Variants in METTL4 observed in about 807,000 individuals in gnomAD.
METTL4 encodes the protein methyltransferase 4, N6-adenosine.
METTL4 carries 40 observed loss-of-function variants against 54.0 expected under a neutral mutation model. The observed-to-expected ratio is 0.74, with a 90% CI of 0.58 to 0.96. The LOEUF is 0.96. METTL4 is among the 50% of genes least tolerant of loss of function. The probability of loss-of-function intolerance (pLI) is 0.00; values close to 1 mark genes in which losing one functional copy is unlikely to be tolerated. For synonymous variants in METTL4, 169 were observed against 183.8 expected (o/e 0.92, Z 0.65); for missense variants, 525 against 549.0 (o/e 0.96, Z 0.44).
At chr18:2,557,067 A>G (rs2072249595) in intron 3 of METTL4, among the ~76,000 whole-genome samples, 1 of 152,162 alleles carries the variant, frequency 6.6e-6, no homozygotes, top group Admixed American at 6.5e-5. Flanking sequence ...TTGCCTGGAG[A>G]GAGTTTCCAG....
At chr18:2,556,841 G>A (rs2072246093) in intron 3 of METTL4, among the ~76,000 whole-genome samples, 1 of 152,068 alleles carries the variant, frequency 6.6e-6, no homozygotes, top group South Asian at 2.1e-4. Context: ...GTGGGGGTCA[G>A]GGGAGGAGGA....
At chr18:2,566,095 T>TA (rs2072413695) in intron 2 of METTL4, among the ~76,000 whole-genome samples, 1 of 148,554 alleles carries the variant, frequency 6.7e-6, no homozygotes, top group Non-Finnish European at 1.5e-5. Flanking sequence ...ATAAATAAAA[T>TA]AAACAAATAA....
chr18:2,565,103 C>A (rs1021307452), intron 2 of METTL4, among the ~76,000 whole-genome samples: 1 of 152,048 alleles, frequency 6.6e-6, no homozygotes, highest in Non-Finnish European at 1.5e-5. Context: ...GCTTGGCCAA[C>A]AAGGTGTCTA....
chr18:2,551,277 A>G (rs1326855707), intron 5 of METTL4, among the ~76,000 whole-genome samples: 1 of 152,114 alleles, frequency 6.6e-6, no homozygotes, highest in Non-Finnish European at 1.5e-5. Flanking sequence ...TGAAATATTC[A>G]AGGCTAACTT....
intron 8 of METTL4, among the ~76,000 whole-genome samples, 173 bp downstream of exon 8, chr18:2,544,022 A>G (rs2072032430): frequency 6.6e-6 from 1 of 152,174 alleles, no homozygotes; most frequent in South Asian, 2.1e-4. Context: ...TCTATTCTCT[A>G]TTTCATAGAG....
chr18:2,541,080 G>C (rs543234236), intron 8 of METTL4, among the ~76,000 whole-genome samples: 27 of 152,258 alleles, frequency 1.8e-4, no homozygotes, highest in African/African-American at 5.8e-4. Flanking sequence ...TCTCAATGTA[G>C]TAAGTTTTTG....
intron 8 of METTL4, among the ~76,000 whole-genome samples, chr18:2,541,640 T>TC (rs2071993693): frequency 6.6e-6 from 1 of 152,184 alleles, no homozygotes; most frequent in Non-Finnish European, 1.5e-5. Flanking sequence ...AGCTTATCTT[T>TC]CAATCGGAGA....
chr18:2,546,476 T>TC, intron 6 of METTL4, among the ~76,000 whole-genome samples: 1 of 152,008 alleles, frequency 6.6e-6, no homozygotes, highest in South Asian at 2.1e-4. Flanking sequence ...CTGGAATGTA[T>TC]CCCCCCAAGG....
chr18:2,558,335 G>A (rs750096345), intron 3 of METTL4, among the ~76,000 whole-genome samples: 1 of 151,746 alleles, frequency 6.6e-6, no homozygotes, highest in Non-Finnish European at 1.5e-5. Flanking sequence ...CTCATTACCT[G>A]GAAATGAAAT....
rs762661538 is a variant in METTL4 at position 2,544,642 on chromosome 18, A to G, written c.1181+11T>C. 1 of 1,538,490 alleles carries G rather than the reference A, an allele frequency of 6.5e-7. No homozygotes were observed. The highest frequency in any genetic ancestry group is 8.9e-7 in the Non-Finnish European group (1 of 1,124,180). ...TACATGTATACAATTTTGAAAAATC[A>G]CCTTTCCTACCTCAATGGTAGAGCA... On this transcript the variant is annotated intron_variant, in intron 7 of 8. Transcript: ENST00000574538.
At chr18:2,540,225 C>T (rs967969401) in intron 8 of METTL4, 9 of 984,840 alleles carry the variant, frequency 9.1e-6, no homozygotes, top group African/African-American at 8.7e-5. Flanking sequence ...ATGACAAATA[C>T]TTAAATCAAT....
At position 2,544,657 on chromosome 18, in the gene METTL4, A is replaced by G. The variant is rs764373353; in HGVS notation, c.1177T>C (p.Leu393=). 4 of 1,597,406 alleles carry G rather than the reference A, an allele frequency of 2.5e-6. No homozygotes were observed. The highest frequency in any genetic ancestry group is 1.7e-6 in the Non-Finnish European group (2 of 1,168,358). The change falls in exon 7 of 9, where the codon TTG becomes CTG. Residue 393 remains leucine, a synonymous_variant. Coordinates refer to ENST00000574538, the MANE Select transcript of METTL4 (RefSeq NM_022840.5). ...GRVQEKTALP[L]RNADVNVLPI... ...TTGAAAAATCACCTTTCCTACCTCA[A>G]TGGTAGAGCAGTTTTTTCTTGAACC...
At chr18:2,539,975 T>C in intron 8 of METTL4, 7 of 977,070 alleles carry the variant, frequency 7.2e-6, no homozygotes, top group Non-Finnish European at 8.5e-6. Flanking sequence ...CTAGCCCCCT[T>C]AGCAGTAAAT....
chr18:2,554,996 C>T lies in METTL4; in HGVS notation c.502G>A (p.Glu168Lys), dbSNP rs775093191. ...ILDGSLQLIQ[E>K]GLKSGFLYPL... is the part of the protein sequence containing the mutation. ...TAAAGAAAACCACTTTTGAGACCTT[C>T]CTGGATCAACTGTAAAGATCCATCC... The change falls in exon 4 of 9, where the codon GAA (glutamate) becomes AAA (lysine). Residue 168 changes from glutamate (E) to lysine (K), a missense_variant. Glu to Lys is a moderately conservative substitution (Grantham distance 56). Transcript: ENST00000574538. 3.1e-6 allele frequency: 5 copies of T among 1,613,844 alleles called. No individual in the cohort carries two copies. The highest frequency in any genetic ancestry group is 4.2e-6 in the Non-Finnish European group (5 of 1,179,904).
Position 2,544,200 on chromosome 18 carries a change from A to C in METTL4, c.1268T>G (p.Leu423Arg). Residue 423 changes from leucine to arginine, a missense_variant, in exon 8 of 9, where the codon CTT becomes CGT. Physicochemically the swap from Leu to Arg is moderately radical, Grantham distance 102. Transcript: ENST00000574538. ...PCTLHSHKPP[L>R]AEVLKDYIKP... ...TCTATTTTATAAAAACATACCAGCA[A>C]GCGGTGGCTTATGTGAGTGAAGAGT... 2 of 1,599,952 alleles carry C rather than the reference A, an allele frequency of 1.3e-6. No homozygotes were observed. Among genetic ancestry groups the C allele is most frequent in the Admixed American group, 1.8e-5 (1 of 56,286 alleles).
intron 8 of METTL4, among the ~76,000 whole-genome samples, chr18:2,543,936 A>C (rs2072031095): frequency 6.6e-6 from 1 of 152,242 alleles, no homozygotes. Flanking sequence ...GTGTCAGCCC[A>C]GTGATGGGAA....
chr18:2,556,873 C>A (rs747911839), intron 3 of METTL4, among the ~76,000 whole-genome samples: 54 of 151,960 alleles, frequency 3.6e-4, no homozygotes, highest in African/African-American at 1.2e-3. Context: ...AGGAGGAATC[C>A]GCACTATGTA....
intron 8 of METTL4, among the ~76,000 whole-genome samples, chr18:2,541,945 TAG>T (rs1424100549): frequency 6.6e-6 from 1 of 152,156 alleles, no homozygotes; most frequent in Non-Finnish European, 1.5e-5. Flanking sequence ...CTGAAATATA[TAG>T]AAACATGAAC....
chr18:2,552,757 T>C lies in METTL4; in HGVS notation c.837A>G (p.Lys279=), dbSNP rs770989865. The C allele has an allele frequency of 6.2e-7, 1 of 1,608,430 alleles. No individual in the cohort carries two copies. Among genetic ancestry groups the C allele is most frequent in the South Asian group, 1.1e-5 (1 of 90,490 alleles). Residue 279 remains lysine, a synonymous_variant, in exon 5 of 9, where the codon AAA becomes AAG. Transcript: ENST00000574538. ...SCMQPLLNYR[K]TFDVIVIDPP... is the part of the protein sequence containing the mutation. Reference sequence around the variant, plus strand: ...GATCTATCACAATTACATCAAATGTTTTCCTATCTGAAAACAAAGATACAA... The same window carrying C: ...GATCTATCACAATTACATCAAATGTCTTCCTATCTGAAAACAAAGATACAA...
Sources: allele counts gnomAD v4.1 joint callset (sites outside exome capture counted in the v4.1 genomes callset), GRCh38; gene constraint gnomAD v4.1.1; transcripts MANE v1.5; gene names NCBI Gene and HGNC (gene_info 2026-07-23, HGNC 2026-07-21).